Variants in BICRA observed in about 807,000 individuals in gnomAD.
BICRA encodes the protein BRD4 interacting chromatin remodeling complex associated protein, also known as BRD4-interacting chromatin-remodeling complex-associated protein.
Under a neutral mutation model 96.9 loss-of-function variants are expected in BICRA, and 31 were observed. The ratio of observed to expected loss-of-function variants is 0.32; its 90% CI spans 0.24 to 0.43. The LOEUF (loss-of-function observed/expected upper bound fraction) is 0.43. Ranked by LOEUF, BICRA falls within the 20% of genes least tolerant of loss-of-function variation. The pLI is 1.00. For synonymous variants in BICRA, 1,350 were observed against 1,071.8 expected, an observed-to-expected ratio of 1.26 and a Z score of -5.07; for missense variants, 2,283 against 2,190.3, an observed-to-expected ratio of 1.04 and a Z score of -0.84.
Position 47,682,078 on chromosome 19 carries a change from AC to A in BICRA, c.2214del (p.Val739SerfsTer30). On this transcript the variant is annotated frameshift_variant, in exon 7 of 15. Transcript: ENST00000594866. LOFTEE classifies it high-confidence loss of function. ...TCCCGCCCAAGACCCAGCCCCAGCC[AC>A]CCCCGTCGCCAAAGGAGCTGGCCTC... ...PPPAQDPAPA[T>X]PVAKGAGLGP... 9 of 1,161,628 alleles carry A rather than the reference AC, an allele frequency of 7.7e-6. No individual in the cohort carries two copies. The highest frequency in any genetic ancestry group is 2.5e-5 in the Admixed American group (1 of 40,254). The allele number at this position is 1,161,628 out of a possible 1,614,324, so 72.0% of individuals were successfully genotyped here. A position where few individuals can be genotyped will look rare whatever the true frequency, so the allele number is the denominator to read the frequency against.
chr19:47,664,078 G>A (rs1972741370), intron 1 of BICRA, among the ~76,000 whole-genome samples: 1 of 152,138 alleles, frequency 6.6e-6, no homozygotes, highest in African/African-American at 2.4e-5. Flanking sequence ...GAGAGGTGGG[G>A]AAATGGTGTT....
chr19:47,698,866 G>C lies in BICRA; in HGVS notation c.3397+84G>C. ...GGGCGTCGCCAGTGTGGAGCCGCAG[G>C]TCCACGGTGCGCTATGCTGACCCTG... On this transcript the variant is annotated intron_variant, in intron 12 of 14. Transcript: ENST00000594866. This position sits in a 1 kb window ranked among gnomAD's most constrained non-coding sequence, Gnocchi z 4.8. 7.2e-7 allele frequency: 1 copy of C among 1,388,712 alleles called. No homozygotes were observed. Among genetic ancestry groups the C allele is most frequent in the Non-Finnish European group, 1.0e-6 (1 of 999,156 alleles). 86.0% of individuals were successfully genotyped at this position (1,388,712 alleles called of 1,614,324 possible). A position where few individuals can be genotyped will look rare whatever the true frequency, so the allele number is the denominator to read the frequency against.
chr19:47,690,653 T>C (rs905169139), intron 7 of BICRA, among the ~76,000 whole-genome samples: 2 of 152,174 alleles, frequency 1.3e-5, no homozygotes, highest in East Asian at 3.9e-4. Context: ...TGTCTGATCA[T>C]ATCCTTTGCC....
chr19:47,699,182 G>A lies in BICRA; in HGVS notation c.3493-121G>A. On this transcript the variant is annotated intron_variant, in intron 13 of 14. Coordinates refer to ENST00000594866, the MANE Select transcript of BICRA (RefSeq NM_001394372.1). This position sits in a 1 kb window ranked among gnomAD's most constrained non-coding sequence, Gnocchi z 5.0. ...CTCCTAGCCCCGGGAGGGAGGTTGG[G>A]AGGGAGGCGGGAGCTCCCATCACAA... 2 of 907,810 alleles carry A rather than the reference G, an allele frequency of 2.2e-6. No homozygotes were observed. The highest frequency in any genetic ancestry group is 1.4e-5 in the South Asian group (1 of 70,530). 56.2% of individuals were successfully genotyped at this position (907,810 alleles called of 1,614,324 possible). A position where few individuals can be genotyped will look rare whatever the true frequency, so the allele number is the denominator to read the frequency against.
At chr19:47,658,642 A>G (rs1304667481) in intron 1 of BICRA, among the ~76,000 whole-genome samples, 3 of 151,146 alleles carry the variant, frequency 2.0e-5, no homozygotes, top group Non-Finnish European at 4.4e-5. Context: ...AAAAAAAAAA[A>G]AAAAAAAAAA....
intron 1 of BICRA, among the ~76,000 whole-genome samples, chr19:47,648,572 T>C (rs760646583): frequency 1.7e-4 from 25 of 151,202 alleles, no homozygotes; most frequent in Non-Finnish European, 2.8e-4. Flanking sequence ...CTGGTGACAC[T>C]CGAGAAAAGG....
At chr19:47,636,929 G>T (rs1380598007) in intron 1 of BICRA, among the ~76,000 whole-genome samples, 1 of 152,086 alleles carries the variant, frequency 6.6e-6, no homozygotes, top group Non-Finnish European at 1.5e-5. Flanking sequence ...AGGCAGGCAT[G>T]AGTCTTACCC....
chr19:47,613,134 C>T (rs1279051287), intron 1 of BICRA, among the ~76,000 whole-genome samples: 1 of 152,006 alleles, frequency 6.6e-6, no homozygotes, highest in African/African-American at 2.4e-5. Context: ...AACCTTCCTT[C>T]AGGAGGTGGG....
intron 9 of BICRA, 142 bp downstream of exon 9, chr19:47,695,222 A>C: frequency 1.3e-6 from 1 of 766,434 alleles, no homozygotes; most frequent in East Asian, 2.7e-5. Context: ...CAGGAAGGCC[A>C]GAGGTGGCAG....
At position 47,699,727 on chromosome 19, in the gene BICRA, C is replaced by T. The variant is rs147021678; in HGVS notation, c.3595+322C>T. Reference sequence around the variant, plus strand: ...CTAGGTTGCAAAATATATAAGGTAACGCCCACTCTTGGGTGCCAGTCCTTT... The same window carrying T: ...CTAGGTTGCAAAATATATAAGGTAATGCCCACTCTTGGGTGCCAGTCCTTT... On this transcript the variant is annotated intron_variant, in intron 14 of 14. Coordinates refer to ENST00000594866, the MANE Select transcript of BICRA (RefSeq NM_001394372.1). The surrounding 1 kb of genome is among the most constrained non-coding windows in gnomAD (Gnocchi z 5.0). Among the ~76,000 whole-genome samples, 64 of 152,298 alleles carry T rather than the reference C, an allele frequency of 4.2e-4. No homozygotes were observed. The East Asian group carries it at 0.011, about 26-fold the overall frequency.
chr19:47,629,168 AT>A (rs1972183136), intron 1 of BICRA, among the ~76,000 whole-genome samples: 1 of 151,368 alleles, frequency 6.6e-6, no homozygotes, highest in African/African-American at 2.4e-5. Flanking sequence ...CGCCCGGCTA[AT>A]TTTTTTTGTG....
At chr19:47,666,114 C>T (rs1226952436) in intron 1 of BICRA, among the ~76,000 whole-genome samples, 8 of 152,150 alleles carry the variant, frequency 5.3e-5, no homozygotes. Context: ...TGTTATCCTC[C>T]CCAAACGGAG....
At chr19:47,621,374 G>A (rs756982312) in intron 1 of BICRA, among the ~76,000 whole-genome samples, 3 of 151,908 alleles carry the variant, frequency 2.0e-5, no homozygotes, top group Admixed American at 6.6e-5. Flanking sequence ...TTAGCCAAAG[G>A]AACAAAATCC....
In BICRA at chr19:47,698,844, C is replaced by A; in HGVS notation, c.3397+62C>A. 7.0e-7 allele frequency: 1 copy of A among 1,436,832 alleles called. No individual in the cohort carries two copies. The highest frequency in any genetic ancestry group is 9.6e-7 in the Non-Finnish European group (1 of 1,044,342). 89.0% of individuals were successfully genotyped at this position (1,436,832 alleles called of 1,614,324 possible). On this transcript the variant is annotated intron_variant, in intron 12 of 14. Transcript: ENST00000594866. This position sits in a 1 kb window ranked among gnomAD's most constrained non-coding sequence, Gnocchi z 4.8. ...GGGGACCCCAGCCCGTGGGGCGGGG[C>A]GTCGCCAGTGTGGAGCCGCAGGTCC...
intron 1 of BICRA, among the ~76,000 whole-genome samples, chr19:47,611,804 A>G (rs1971911196): frequency 6.6e-6 from 1 of 151,986 alleles, no homozygotes; most frequent in African/African-American, 2.4e-5. Context: ...CGTGTCATTC[A>G]TATTTATCAT....
chr19:47,673,451 C>A, intron 2 of BICRA, 119 bp from the exon 3 acceptor site: 1 of 770,788 alleles, frequency 1.3e-6, no homozygotes, highest in South Asian at 1.5e-5. Flanking sequence ...TCCCCATGGA[C>A]TCAAGGGAAC....
intron 1 of BICRA, among the ~76,000 whole-genome samples, chr19:47,619,809 T>C (rs1018640625): frequency 6.6e-6 from 1 of 152,170 alleles, no homozygotes; most frequent in African/African-American, 2.4e-5. Context: ...GGTAGGAGAA[T>C]TGCTTGAGTC....
intron 2 of BICRA, among the ~76,000 whole-genome samples, chr19:47,670,756 TTC>T (rs1309581814): frequency 6.6e-6 from 1 of 152,212 alleles, no homozygotes; most frequent in Non-Finnish European, 1.5e-5. Context: ...AGCAAAATCT[TTC>T]TCTCTGCCCC....
At chr19:47,622,500 A>G (rs1259843423) in intron 1 of BICRA, among the ~76,000 whole-genome samples, 6 of 144,642 alleles carry the variant, frequency 4.1e-5, no homozygotes, top group East Asian at 2.2e-4. Flanking sequence ...TGAGGCGGGC[A>G]GATCACGAGG....
Sources: gnomAD v4.1 joint callset for allele counts (sites outside exome capture counted in the v4.1 genomes callset) on GRCh38, gnomAD v4.1.1 for gene constraint, Gnocchi (gnomAD v3.1) non-coding constraint, MANE v1.5 for transcripts, NCBI Gene and HGNC (gene_info 2026-07-23, HGNC 2026-07-21) for gene names.